NECTIN2: variants seen among roughly 807,000 people sequenced by gnomAD.
NECTIN2 encodes the protein nectin cell adhesion molecule 2.
Under a neutral mutation model 56.9 loss-of-function variants are expected in NECTIN2, and 23 were observed. That is an observed-to-expected ratio of 0.40 (90% CI 0.29 to 0.57). The LOEUF is 0.57. Among genes scored for constraint, NECTIN2 ranks in the 20% least tolerant of loss-of-function variants. NECTIN2 has a pLI of 0.38. For synonymous variants in NECTIN2, 302 were observed against 313.8 expected (o/e 0.96, Z 0.40); for missense variants, 587 against 718.3 (o/e 0.82, Z 2.09).
rs1325042340 is a variant in NECTIN2, at chr19:44,865,293, A to G, written c.111A>G (p.Gln37=). 1 of 1,612,582 alleles carries G rather than the reference A, an allele frequency of 6.2e-7. No individual in the cohort carries two copies. Among genetic ancestry groups the G allele is most frequent in the Non-Finnish European group, 8.5e-7 (1 of 1,179,180 alleles). ...LETGAQDVRV[Q]VLPEVRGQLG... ...CAGGAGCCCAGGATGTGCGAGTTCA[A>G]GTGCTACCCGAGGTGCGAGGCCAGC... The change falls in exon 2 of 9, where the codon CAA becomes CAG. Residue 37 remains glutamine (Q), a synonymous_variant. Transcript: ENST00000252483. This position sits in a 1 kb window ranked among gnomAD's most constrained non-coding sequence, Gnocchi z 5.2.
chr19:44,872,922 T>C (rs1020092947), intron 3 of NECTIN2, among the ~76,000 whole-genome samples: 1 of 149,186 alleles, frequency 6.7e-6, no homozygotes, highest in African/African-American at 2.5e-5. Flanking sequence ...AATTACATTA[T>C]ATTATATATT....
Position 44,888,298 on chromosome 19 carries a change from C to G in NECTIN2, c.1536C>G (p.Ile512Met), listed in dbSNP as rs374917269. 6.2e-7 allele frequency: 1 copy of G among 1,614,014 alleles called. No individual in the cohort carries two copies. Among genetic ancestry groups the G allele is most frequent in the Non-Finnish European group, 8.5e-7 (1 of 1,179,926 alleles). ...AGTATCTGGACAAGATCAACCCCAT[C>G]TATGATGCTCTGTCCTATAGCAGCC... ...EEEYLDKINPIYDALSYSSPS... is the reference protein window; with the variant it reads ...EEEYLDKINPMYDALSYSSPS... The change falls in exon 9 of 9, where the codon ATC (isoleucine) becomes ATG (methionine). Residue 512 changes from isoleucine (I) to methionine (M), a missense_variant. Ile to Met is a conservative substitution (Grantham distance 10). Transcript: ENST00000252483.
Position 44,889,214 on chromosome 19 carries a change from T to C in NECTIN2, c.*835T>C, listed in dbSNP as rs1183472142. 2.6e-5 allele frequency: 4 copies of C among 152,220 alleles called. No individual in the cohort carries two copies. The highest frequency in any genetic ancestry group is 4.4e-5 in the Non-Finnish European group (3 of 68,044). The allele number at this position is 152,220 out of a possible 1,614,324, so 9.4% of individuals were successfully genotyped here. ...CTACATTTCCTACAAAATATGAATT[T>C]ATACTTTGACCAGGTCTTGCCTTTT... is the stretch of plus-strand genomic sequence containing the variant. On this transcript the variant is annotated 3_prime_UTR_variant, in exon 9 of 9. Transcript: ENST00000252483.
rs57907894 is a variant in NECTIN2, at chr19:44,875,268, CTT to C, written c.1042+804_1042+805del. 1.5e-4 allele frequency among the ~76,000 whole-genome samples: 21 copies of C among 143,258 alleles called. No homozygotes were observed. The highest frequency in any genetic ancestry group is 2.1e-4 in the East Asian group (1 of 4,854). 94.0% of individuals were successfully genotyped at this position (143,258 alleles called of 152,430 possible). A position where few individuals can be genotyped will look rare whatever the true frequency, so the allele number is the denominator to read the frequency against. On this transcript the variant is annotated intron_variant, in intron 5 of 8. Coordinates refer to ENST00000252483, the MANE Select transcript of NECTIN2 (RefSeq NM_001042724.2). This position sits in a 1 kb window ranked among gnomAD's most constrained non-coding sequence, Gnocchi z 4.2. ...CAGATGACACCTGGAAAGGGACATT[CTT>C]TTTTTTTTTTTTTGAGATGGAGTCT...
chr19:44,886,565 A>G (rs1448106325), intron 8 of NECTIN2, among the ~76,000 whole-genome samples: 1 of 152,012 alleles, frequency 6.6e-6, no homozygotes, highest in Non-Finnish European at 1.5e-5. Context: ...TACTCAAAAC[A>G]CAAAAAATTA....
chr19:44,872,973 C>A (rs545395096), intron 3 of NECTIN2, among the ~76,000 whole-genome samples: 36 of 150,778 alleles, frequency 2.4e-4, no homozygotes, highest in South Asian at 6.3e-4. Context: ...TGATCCTGAC[C>A]CCTCCCACTG....
chr19:44,851,035 C>T (rs1282135792), intron 1 of NECTIN2, among the ~76,000 whole-genome samples: 1 of 152,000 alleles, frequency 6.6e-6, no homozygotes, highest in Non-Finnish European at 1.5e-5. Flanking sequence ...GCCCCGCCTC[C>T]CTCAGACCCA....
intron 5 of NECTIN2, among the ~76,000 whole-genome samples, chr19:44,877,678 AG>A (rs35450311): frequency 6.6e-6 from 1 of 152,176 alleles, no homozygotes; most frequent in Non-Finnish European, 1.5e-5. Context: ...TCCTCCCCCG[AG>A]GGGGTGTGGC....
intron 1 of NECTIN2, among the ~76,000 whole-genome samples, chr19:44,853,912 G>A (rs1484034379): frequency 1.3e-5 from 2 of 152,182 alleles, no homozygotes; most frequent in Admixed American, 1.3e-4. Context: ...CCCTCGTGGC[G>A]CTGGCAGTCA....
intron 5 of NECTIN2, among the ~76,000 whole-genome samples, chr19:44,881,322 T>G (rs1969305380): frequency 6.6e-6 from 1 of 151,988 alleles, no homozygotes; most frequent in South Asian, 2.1e-4. Context: ...CTGTCTCCTC[T>G]CCTCTCATCT....
intron 1 of NECTIN2, among the ~76,000 whole-genome samples, chr19:44,861,038 A>T (rs1969027036): frequency 6.6e-6 from 1 of 152,150 alleles, no homozygotes; most frequent in Admixed American, 6.6e-5. Flanking sequence ...CAGCCAACAA[A>T]CATGAAAAAA....
chr19:44,869,279 A>G (rs983684361), intron 2 of NECTIN2, among the ~76,000 whole-genome samples: 43 of 152,186 alleles, frequency 2.8e-4, no homozygotes, highest in African/African-American at 1.0e-3. Flanking sequence ...AAATAAATAA[A>G]TAAATAATGA....
At chr19:44,879,432 GCTCC>G (rs1346025036) in intron 5 of NECTIN2, among the ~76,000 whole-genome samples, 1 of 152,020 alleles carries the variant, frequency 6.6e-6, no homozygotes, top group African/African-American at 2.4e-5. Flanking sequence ...GGGGAGGGCT[GCTCC>G]CCACTCCCAT....
intron 1 of NECTIN2, among the ~76,000 whole-genome samples, chr19:44,855,915 A>G (rs768535103): frequency 1.6e-4 from 25 of 152,166 alleles, no homozygotes; most frequent in Non-Finnish European, 2.9e-4. Context: ...GATTTGACCT[A>G]TAAGATGTGA....
chr19:44,851,368 C>T (rs913433683), intron 1 of NECTIN2, among the ~76,000 whole-genome samples: 1 of 150,088 alleles, frequency 6.7e-6, no homozygotes, highest in African/African-American at 2.5e-5. Context: ...CTCCCTCAAA[C>T]CTGGGAGTCT....
chr19:44,888,630 T>C lies in NECTIN2; in HGVS notation c.*251T>C. The C allele has an allele frequency of 3.7e-6, 2 of 534,904 alleles. No homozygotes were observed. The allele number at this position is 534,904 out of a possible 1,614,324, so 33.1% of individuals were successfully genotyped here. A position where few individuals can be genotyped will look rare whatever the true frequency, so the allele number is the denominator to read the frequency against. ...GGGGAAGGTGCTTCTGCACAACCTC[T>C]GATCCCAAGGACTCCTCTCCCAGAC... is the stretch of plus-strand genomic sequence containing the variant. On this transcript the variant is annotated 3_prime_UTR_variant, in exon 9 of 9. Transcript: ENST00000252483.
chr19:44,870,468 G>C (rs557294497), intron 2 of NECTIN2, among the ~76,000 whole-genome samples: 23 of 152,274 alleles, frequency 1.5e-4, no homozygotes, highest in African/African-American at 4.8e-4. Flanking sequence ...GAGTCTGGGT[G>C]GGGGACACAC....
At chr19:44,854,682 A>G (rs2927468) in intron 1 of NECTIN2, among the ~76,000 whole-genome samples, 73,679 of 151,728 alleles carry the variant, frequency 0.49, 18,093 homozygotes, top group Middle Eastern at 0.58. Context: ...GTATGGTGGT[A>G]CATGCCTGTA....
chr19:44,847,447 C>T (rs897099378), intron 1 of NECTIN2, among the ~76,000 whole-genome samples: 2 of 152,276 alleles, frequency 1.3e-5, no homozygotes, highest in East Asian at 1.9e-4. Flanking sequence ...GAGACTCGAT[C>T]TCGTGGGCTT....
Sources: allele counts gnomAD v4.1 joint callset (sites outside exome capture counted in the v4.1 genomes callset), GRCh38; gene constraint gnomAD v4.1.1; non-coding constraint Gnocchi (gnomAD v3.1); transcripts MANE v1.5; gene names NCBI Gene and HGNC (gene_info 2026-07-23, HGNC 2026-07-21).